Variants in TACC2 observed in about 807,000 individuals in gnomAD.
TACC2 encodes the protein transforming acidic coiled-coil-containing protein 2.
TACC2 carries 137 observed loss-of-function variants against 227.3 expected under a neutral mutation model. That is an observed-to-expected ratio of 0.60 (90% confidence interval 0.52 to 0.69). The LOEUF (loss-of-function observed/expected upper bound fraction) is 0.69. TACC2 is among the 30% of genes least tolerant of loss of function. The probability of loss-of-function intolerance (pLI) is 0.00; values close to 1 mark genes in which losing one functional copy is unlikely to be tolerated. For synonymous variants in TACC2, 1,523 were observed against 1,487.5 expected, an observed-to-expected ratio of 1.02 and a Z score of -0.55; for missense variants, 3,470 against 3,694.4, an observed-to-expected ratio of 0.94 and a Z score of 1.57.
At chr10:122,162,418 C>T (rs534303842) in intron 7 of TACC2, among the ~76,000 whole-genome samples, 4 of 152,326 alleles carry the variant, frequency 2.6e-5, no homozygotes, top group East Asian at 1.9e-4. Flanking sequence ...ATTTTAGGCT[C>T]ACTGCCCTGT....
intron 8 of TACC2, among the ~76,000 whole-genome samples, chr10:122,204,851 G>C (rs557597587): frequency 6.6e-6 from 1 of 151,764 alleles, no homozygotes; most frequent in African/African-American, 2.4e-5. Context: ...ATGACGTGTG[G>C]CATGCTCTAG....
intron 1 of TACC2, among the ~76,000 whole-genome samples, chr10:122,008,264 A>ATTATTATTT: frequency 0.22 from 29,850 of 133,984 alleles, 3,768 homozygotes; most frequent in Non-Finnish European, 0.27. Context: ...TATTATTATT[A>ATTATTATTT]TTTTTTTTTT....
intron 7 of TACC2, among the ~76,000 whole-genome samples, chr10:122,187,855 G>T (rs924887476): frequency 6.6e-6 from 1 of 152,100 alleles, no homozygotes; most frequent in Admixed American, 6.6e-5. Flanking sequence ...ATAATAATGG[G>T]GAGGCATTAT....
At chr10:122,013,779 G>A (rs1956227961) in intron 1 of TACC2, among the ~76,000 whole-genome samples, 2 of 152,184 alleles carry the variant, frequency 1.3e-5, no homozygotes, top group Non-Finnish European at 2.9e-5. Context: ...AGAGCCTGTA[G>A]GGCCCTGGTC....
At chr10:122,014,513 G>C (rs569443159) in intron 1 of TACC2, among the ~76,000 whole-genome samples, 3 of 152,126 alleles carry the variant, frequency 2.0e-5, no homozygotes, top group East Asian at 3.9e-4. Context: ...ACCCGGCCAA[G>C]ACCTGTGTGA....
chr10:122,013,237 G>A (rs1214259804), intron 1 of TACC2, among the ~76,000 whole-genome samples: 2 of 152,116 alleles, frequency 1.3e-5, no homozygotes, highest in African/African-American at 4.8e-5. Context: ...CAAGGTGGAG[G>A]AAAGGAAGAA....
At chr10:122,136,390 G>C (rs907171442) in intron 6 of TACC2, among the ~76,000 whole-genome samples, 1 of 152,126 alleles carries the variant, frequency 6.6e-6, no homozygotes, top group African/African-American at 2.4e-5. Flanking sequence ...GAGAGGCAGA[G>C]GGTGGGATGC....
chr10:122,086,223 C>G lies in TACC2; in HGVS notation c.3723C>G (p.Asp1241Glu), dbSNP rs570203372. 7 of 1,613,904 alleles carry G rather than the reference C, an allele frequency of 4.3e-6. No homozygotes were observed. The highest frequency in any genetic ancestry group is 5.9e-6 in the Non-Finnish European group (7 of 1,180,044). Residue 1241 changes from aspartate to glutamate, a missense_variant, in exon 4 of 23, where the codon GAC (aspartate) becomes GAG (glutamate). Physicochemically the swap from Asp to Glu is conservative, Grantham distance 45 (BLOSUM62 2). Coordinates refer to ENST00000369005, the MANE Select transcript of TACC2 (RefSeq NM_206862.4). ...CTGACACCCCTTACCTGCATGTCGA[C>G]AGTGCTGCCCAGAGAGGAGCAGAAG... ...AAPDTPYLHV[D>E]SAAQRGAEDS...
rs71022897 is a variant in TACC2, at chr10:122,105,944, C to CTGTG, written c.5573+17377_5573+17380dup. 8.8e-3 allele frequency among the ~76,000 whole-genome samples: 1,280 copies of CTGTG among 145,232 alleles called. 7 individuals are homozygous for CTGTG. The highest frequency in any genetic ancestry group is 0.014 in the East Asian group (66 of 4,826). The stretch of plus-strand genomic sequence containing the variant: ...GGCCTGTCATAAACATTTTCTCTCT[C>CTGTG]TGTGTGTGTGTGTGTGTGTGTGTGT... On this transcript the variant is annotated intron_variant, in intron 5 of 22. Coordinates refer to ENST00000369005, the MANE Select transcript of TACC2 (RefSeq NM_206862.4).
Position 122,065,076 on chromosome 10 carries a change from C to A in TACC2, c.146+14526C>A, listed in dbSNP as rs137867487. Among the ~76,000 whole-genome samples the A allele has an allele frequency of 4.1e-4, 63 of 152,184 alleles. No individual in the cohort carries two copies. The East Asian group carries it at 0.01, about 25-fold the overall frequency. Reference sequence around the variant, plus strand: ...CTCTGGCTTATTTTATACACGGATACTTGTTGATTTAAAAAAATTTTTTTA... The same window carrying A: ...CTCTGGCTTATTTTATACACGGATAATTGTTGATTTAAAAAAATTTTTTTA... On this transcript the variant is annotated intron_variant, in intron 3 of 22. Coordinates refer to ENST00000369005, the MANE Select transcript of TACC2 (RefSeq NM_206862.4).
intron 6 of TACC2, 41 bp downstream of exon 6, chr10:122,132,775 C>T (rs1196842639): frequency 1.9e-6 from 3 of 1,608,070 alleles, no homozygotes; most frequent in Admixed American, 3.3e-5. Flanking sequence ...GACCTCAGGG[C>T]CCAATCCTTG....
intron 21 of TACC2, 105 bp from the exon 22 acceptor site, chr10:122,249,439 A>G (rs1309285222): frequency 4.1e-6 from 6 of 1,475,508 alleles, no homozygotes; most frequent in Non-Finnish European, 5.5e-6. Flanking sequence ...AGTTGGTGGC[A>G]GCTGGGGCCA....
At position 122,194,217 on chromosome 10, in the gene TACC2, C is replaced by T. The variant is rs1282422693; in HGVS notation, c.5835-823C>T. Among the ~76,000 whole-genome samples, 2 of 152,242 alleles carry T rather than the reference C, an allele frequency of 1.3e-5. No individual in the cohort carries two copies. The highest frequency in any genetic ancestry group is 2.9e-5 in the Non-Finnish European group (2 of 68,044). On this transcript the variant is annotated intron_variant, in intron 7 of 22. Coordinates refer to ENST00000369005, the MANE Select transcript of TACC2 (RefSeq NM_206862.4). This position sits in a 1 kb window ranked among gnomAD's most constrained non-coding sequence, Gnocchi z 4.4. ...GGGATTAGAGGCATGAGCCACCGCA[C>T]CTGGCCTGTTGGTTCCTCTTCAACC... is the stretch of plus-strand genomic sequence containing the variant.
At chr10:122,102,810 T>A (rs1482877087) in intron 5 of TACC2, among the ~76,000 whole-genome samples, 1 of 152,120 alleles carries the variant, frequency 6.6e-6, no homozygotes, top group Non-Finnish European at 1.5e-5. Context: ...CGAGGCCACA[T>A]CTAGAAATTC....
At chr10:122,095,384 C>T (rs1384331193) in intron 5 of TACC2, among the ~76,000 whole-genome samples, 1 of 152,214 alleles carries the variant, frequency 6.6e-6, no homozygotes, top group Non-Finnish European at 1.5e-5. Flanking sequence ...ATAGTACTCC[C>T]TTACAGCGCT....
At chr10:122,142,536 A>G (rs1236527596) in intron 6 of TACC2, among the ~76,000 whole-genome samples, 1 of 152,178 alleles carries the variant, frequency 6.6e-6, no homozygotes, top group African/African-American at 2.4e-5. Flanking sequence ...TGTCAGGTGG[A>G]CCTCGAAGAG....
At chr10:122,216,915 C>T in intron 11 of TACC2, 87 bp downstream of exon 11, 1 of 1,607,994 alleles carries the variant, frequency 6.2e-7, no homozygotes. Flanking sequence ...AGAAACTTCT[C>T]AGCCAGGTAA....
chr10:122,055,159 G>A (rs2076098008), intron 3 of TACC2, among the ~76,000 whole-genome samples: 1 of 152,118 alleles, frequency 6.6e-6, no homozygotes, highest in Non-Finnish European at 1.5e-5. Context: ...GGTGGAGGTT[G>A]CAGTGAGCTG....
At chr10:122,175,474 G>A (rs1391235136) in intron 7 of TACC2, among the ~76,000 whole-genome samples, 1 of 152,158 alleles carries the variant, frequency 6.6e-6, no homozygotes, top group Non-Finnish European at 1.5e-5. Context: ...ACCCCGTTCT[G>A]TCCAGAATGC....
Sources: allele counts gnomAD v4.1 joint callset (sites outside exome capture counted in the v4.1 genomes callset), GRCh38; gene constraint gnomAD v4.1.1; non-coding constraint Gnocchi (gnomAD v3.1); transcripts MANE v1.5; gene names NCBI Gene and HGNC (gene_info 2026-07-23, HGNC 2026-07-21).